CHN2: variants seen among roughly 807,000 people sequenced by gnomAD.
The protein encoded by CHN2 is beta-chimaerin.
A neutral mutation model predicts 56.3 loss-of-function variants in CHN2; 35 were observed. The ratio of observed to expected loss-of-function variants is 0.62; its 90% CI spans 0.47 to 0.82. The LOEUF (loss-of-function observed/expected upper bound fraction) is 0.82. Ranked by LOEUF, CHN2 falls within the 40% of genes least tolerant of loss-of-function variation. The pLI, the probability that CHN2 is intolerant of heterozygous loss-of-function variation, is 0.00. For synonymous variants in CHN2, 210 were observed against 212.8 expected (o/e 0.99, Z 0.12); for missense variants, 491 against 580.5 (o/e 0.85, Z 1.58).
intron 11 of CHN2, among the ~76,000 whole-genome samples, 155 bp from the exon 12 acceptor site, chr7:29,509,146 A>T (rs1273502340): frequency 6.6e-6 from 1 of 152,228 alleles, no homozygotes; most frequent in Non-Finnish European, 1.5e-5. Flanking sequence ...ATGACACAGG[A>T]CACCAACAAA....
intron 6 of CHN2, among the ~76,000 whole-genome samples, chr7:29,421,012 G>T (rs1804289183): frequency 1.3e-5 from 2 of 152,122 alleles, no homozygotes; most frequent in Non-Finnish European, 1.5e-5. Context: ...TGTTGGCCAG[G>T]CTGATCTTGA....
intron 1 of CHN2, among the ~76,000 whole-genome samples, chr7:29,228,426 C>G (rs188591491): frequency 2.0e-5 from 3 of 152,278 alleles, no homozygotes; most frequent in Non-Finnish European, 2.9e-5. Context: ...GCAATAGGCT[C>G]CAGCATACGC....
intron 1 of CHN2, among the ~76,000 whole-genome samples, chr7:29,351,409 T>G (rs1157995427): frequency 6.6e-6 from 1 of 152,202 alleles, no homozygotes; most frequent in Admixed American, 6.5e-5. Context: ...TTCTTGCTTT[T>G]ATGGAGTTTG....
intron 1 of CHN2, chr7:29,200,890 T>C (rs929234760): frequency 6.6e-6 from 1 of 152,188 alleles, no homozygotes; most frequent in African/African-American, 2.4e-5. Flanking sequence ...AGAATTGGGA[T>C]GAGTGTATCA....
chr7:29,391,497 T>A (rs1393593837), intron 3 of CHN2, among the ~76,000 whole-genome samples: 1 of 152,190 alleles, frequency 6.6e-6, no homozygotes, highest in African/African-American at 2.4e-5. Context: ...TCTCATGCAA[T>A]ATTTGGGACG....
rs183824410 is a variant in CHN2, at chr7:29,183,970, G to A, written c.274+37010G>A. Among the ~76,000 whole-genome samples the A allele has an allele frequency of 1.6e-3, 242 of 152,180 alleles. 1 individual carries two copies. Among genetic ancestry groups the A allele is most frequent in the Non-Finnish European group, 2.7e-3 (182 of 68,008 alleles). On this transcript the variant is annotated intron_variant, in intron 2 of 6. Coordinates refer to the CHN2 transcript ENST00000439384. The stretch of plus-strand genomic sequence containing the variant: ...ATAGCATTTACATAGTATAGGTATT[G>A]TAAGTAATCTAGACATGATTCAAAG...
intron 1 of CHN2, among the ~76,000 whole-genome samples, chr7:29,295,387 T>C (rs1391383119): frequency 6.6e-6 from 1 of 151,002 alleles, no homozygotes; most frequent in Non-Finnish European, 1.5e-5. Flanking sequence ...ATCATACTTT[T>C]TTGGTATTTT....
chr7:29,212,454 T>C (rs1785026435), intron 1 of CHN2: 6 of 1,601,040 alleles, frequency 3.7e-6, no homozygotes, highest in Non-Finnish European at 5.1e-6. Flanking sequence ...GGAGACTGTC[T>C]CTCCTCTTCT....
intron 1 of CHN2, chr7:29,289,156 A>G (rs1254432864): frequency 6.6e-6 from 1 of 152,228 alleles, no homozygotes; most frequent in East Asian, 1.9e-4. Context: ...TATTCATTTC[A>G]TGCCTCGCTA....
intron 1 of CHN2, among the ~76,000 whole-genome samples, chr7:29,296,084 ATTT>A (rs11367150): frequency 0.16 from 22,875 of 145,364 alleles, 2,326 homozygotes; most frequent in African/African-American, 0.29. Flanking sequence ...TGTAATCACC[ATTT>A]TTTTTTTTTT....
Position 29,289,173 on chromosome 7 carries a change from T to C in CHN2, c.50-65452T>C, listed in dbSNP as rs568275053. 76 of 152,348 alleles carry C rather than the reference T, an allele frequency of 5.0e-4. 2 individuals are homozygous for C. Among genetic ancestry groups the C allele is most frequent in the African/African-American group, 1.8e-3 (73 of 41,576 alleles). The allele number at this position is 152,348 out of a possible 1,614,324, so 9.4% of individuals were successfully genotyped here. On this transcript the variant is annotated intron_variant, in intron 1 of 12. Coordinates refer to ENST00000222792, the MANE Select transcript of CHN2 (RefSeq NM_004067.4). ...TTCATTTCATGCCTCGCTATTTGGC[T>C]TGTAGGTTGGACTTAATTAAAAAAG...
At chr7:29,491,178 T>C (rs1193924870) in intron 7 of CHN2, among the ~76,000 whole-genome samples, 1 of 152,182 alleles carries the variant, frequency 6.6e-6, no homozygotes, top group Non-Finnish European at 1.5e-5. Context: ...TTGCTGGGTA[T>C]GGCTTTCTTT....
chr7:29,431,580 C>G (rs769757134), intron 6 of CHN2, among the ~76,000 whole-genome samples: 4 of 152,178 alleles, frequency 2.6e-5, no homozygotes, highest in African/African-American at 9.7e-5. Flanking sequence ...CCACTAGACC[C>G]CTCTGACTAC....
At chr7:29,479,855 A>C (rs994765284) in intron 6 of CHN2, 15 of 1,350,386 alleles carry the variant, frequency 1.1e-5, no homozygotes, top group African/African-American at 4.4e-5. Context: ...GTTGCTGTGC[A>C]CATGAATGTT....
At chr7:29,307,476 A>G (rs1005407301) in intron 1 of CHN2, among the ~76,000 whole-genome samples, 2 of 152,230 alleles carry the variant, frequency 1.3e-5, no homozygotes, top group African/African-American at 4.8e-5. Context: ...GACCCTGTGA[A>G]TATGTTGTTA....
intron 1 of CHN2, among the ~76,000 whole-genome samples, chr7:29,239,920 G>A (rs976804951): frequency 1.3e-5 from 2 of 152,160 alleles, no homozygotes; most frequent in African/African-American, 4.8e-5. Context: ...AGTTAAGCTA[G>A]AAATCTAGAT....
chr7:29,230,670 T>A (rs1286727215), intron 1 of CHN2, among the ~76,000 whole-genome samples: 1 of 152,204 alleles, frequency 6.6e-6, no homozygotes, highest in African/African-American at 2.4e-5. Context: ...AAACAAATCT[T>A]TAATTCAATT....
At chr7:29,305,419 C>T (rs1794060754) in intron 1 of CHN2, among the ~76,000 whole-genome samples, 2 of 152,016 alleles carry the variant, frequency 1.3e-5, no homozygotes, top group South Asian at 4.2e-4. Context: ...CAGCACCCAA[C>T]ATTCTAACAG....
intron 6 of CHN2, among the ~76,000 whole-genome samples, chr7:29,443,277 CAG>C (rs1283152297): frequency 6.6e-6 from 1 of 152,118 alleles, no homozygotes; most frequent in African/African-American, 2.4e-5. Flanking sequence ...AGAACTGAAT[CAG>C]AGCAGAGGTC....
Sources: gnomAD v4.1 joint callset for allele counts (sites outside exome capture counted in the v4.1 genomes callset) on GRCh38, gnomAD v4.1.1 for gene constraint, MANE v1.5 for transcripts, NCBI Gene and HGNC (gene_info 2026-07-23, HGNC 2026-07-21) for gene names.